Variants in FGGY observed in about 807,000 individuals in gnomAD.
The protein encoded by FGGY is FGGY carbohydrate kinase domain containing.
FGGY carries 72 observed loss-of-function variants against 71.3 expected under a neutral mutation model. The ratio of observed to expected loss-of-function variants is 1.01; its 90% CI spans 0.84 to 1.23. The LOEUF (loss-of-function observed/expected upper bound fraction) is 1.23. Ranked by LOEUF, FGGY falls within the 50% of genes most tolerant of loss-of-function variation. The pLI, the probability that FGGY is intolerant of heterozygous loss-of-function variation, is 0.00. For missense variants in FGGY, 668 were observed against 682.3 expected, an observed-to-expected ratio of 0.98 and a Z score of 0.23; for synonymous variants, 251 against 250.3, an observed-to-expected ratio of 1.00 and a Z score of -0.02.
chr1:59,441,704 A>G (rs924858863), intron 5 of FGGY, among the ~76,000 whole-genome samples: 1 of 152,212 alleles, frequency 6.6e-6, no homozygotes, highest in Admixed American at 6.5e-5. Flanking sequence ...TTCTTAACAG[A>G]TGAAGAAAAT....
chr1:59,385,482 C>A (rs887137100), intron 5 of FGGY, among the ~76,000 whole-genome samples: 1 of 152,098 alleles, frequency 6.6e-6, no homozygotes, highest in African/African-American at 2.4e-5. Flanking sequence ...GTGTCATTAC[C>A]GCTTTGCAAT....
At chr1:59,753,052 A>G (rs1450567804) in intron 14 of FGGY, among the ~76,000 whole-genome samples, 19 of 152,156 alleles carry the variant, frequency 1.2e-4, no homozygotes, top group African/African-American at 2.4e-5. Flanking sequence ...CACTGTATTA[A>G]TTGTGCTGTC....
chr1:59,699,499 A>C, intron 14 of FGGY: 1 of 739,424 alleles, frequency 1.4e-6, no homozygotes, highest in Non-Finnish European at 1.7e-6. Context: ...CTCTTTTGCC[A>C]TGGATAGAAA....
chr1:59,493,802 A>G (rs917260706), intron 6 of FGGY, among the ~76,000 whole-genome samples: 1 of 152,256 alleles, frequency 6.6e-6, no homozygotes, highest in Non-Finnish European at 1.5e-5. Context: ...GTTATCTTAC[A>G]TATATTTTAC....
intron 6 of FGGY, among the ~76,000 whole-genome samples, chr1:59,478,394 T>A (rs1449834378): frequency 6.6e-6 from 1 of 152,210 alleles, no homozygotes; most frequent in African/African-American, 2.4e-5. Flanking sequence ...CACCTCAATT[T>A]ATTTTGTTCC....
At chr1:59,586,636 A>G (rs1169993094) in intron 8 of FGGY, among the ~76,000 whole-genome samples, 4 of 152,182 alleles carry the variant, frequency 2.6e-5, no homozygotes, top group African/African-American at 9.7e-5. Flanking sequence ...GTGCACATGT[A>G]CCCTAAAACT....
chr1:59,603,599 C>T (rs990891208), intron 8 of FGGY, among the ~76,000 whole-genome samples: 1 of 152,220 alleles, frequency 6.6e-6, no homozygotes, highest in Non-Finnish European at 1.5e-5. Flanking sequence ...AACTGAGGCT[C>T]AGAAAGGCTA....
At chr1:59,744,098 G>T (rs2098173306) in intron 14 of FGGY, among the ~76,000 whole-genome samples, 1 of 152,238 alleles carries the variant, frequency 6.6e-6, no homozygotes, top group Non-Finnish European at 1.5e-5. Context: ...CTATTAGTTT[G>T]TGACTGGCAC....
intron 4 of FGGY, among the ~76,000 whole-genome samples, chr1:59,357,712 T>A (rs1027574149): frequency 2.6e-5 from 4 of 152,084 alleles, no homozygotes; most frequent in African/African-American, 9.7e-5. Flanking sequence ...CTGTTTTATA[T>A]CCCCAGAGCC....
At chr1:59,662,510 C>T (rs1275192960) in intron 12 of FGGY, among the ~76,000 whole-genome samples, 4 of 152,160 alleles carry the variant, frequency 2.6e-5, no homozygotes, top group South Asian at 4.2e-4. Context: ...ATTTGAACCC[C>T]CAGCATTCTA....
intron 12 of FGGY, among the ~76,000 whole-genome samples, chr1:59,663,889 G>C (rs1252566943): frequency 6.6e-6 from 1 of 152,108 alleles, no homozygotes; most frequent in African/African-American, 2.4e-5. Context: ...CTTATTTGTT[G>C]TCGGTCAACT....
chr1:59,637,916 A>G (rs1257556259), intron 10 of FGGY, among the ~76,000 whole-genome samples: 2 of 152,214 alleles, frequency 1.3e-5, no homozygotes, highest in Non-Finnish European at 2.9e-5. Context: ...GACAGGGATT[A>G]TGATATCTGT....
At chr1:59,349,463 C>T (rs1454605906) in intron 4 of FGGY, among the ~76,000 whole-genome samples, 1 of 152,140 alleles carries the variant, frequency 6.6e-6, no homozygotes, top group Non-Finnish European at 1.5e-5. Flanking sequence ...GCCTATATCC[C>T]AGGAGATCTA....
At chr1:59,522,320 A>G (rs2094856520) in intron 7 of FGGY, among the ~76,000 whole-genome samples, 1 of 152,250 alleles carries the variant, frequency 6.6e-6, no homozygotes, top group African/African-American at 2.4e-5. Context: ...ACGTTAGCCC[A>G]TACTTACACC....
At chr1:59,726,800 G>T (rs1169403190) in intron 14 of FGGY, among the ~76,000 whole-genome samples, 2 of 151,936 alleles carry the variant, frequency 1.3e-5, no homozygotes, top group South Asian at 2.1e-4. Flanking sequence ...ACCAGCTTTG[G>T]TTTCATTGAT....
chr1:59,748,399 T>A (rs1281941095), intron 14 of FGGY, among the ~76,000 whole-genome samples: 1 of 152,198 alleles, frequency 6.6e-6, no homozygotes, highest in Non-Finnish European at 1.5e-5. Flanking sequence ...TTCAATATTA[T>A]GTTTGAAGAG....
intron 12 of FGGY, among the ~76,000 whole-genome samples, chr1:59,662,309 G>T (rs1210505909): frequency 1.4e-5 from 2 of 139,354 alleles, no homozygotes; most frequent in Non-Finnish European, 3.0e-5. Flanking sequence ...CACAGAGCGA[G>T]ACTCCATCTC....
At chr1:59,552,305 A>G (rs986922037) in intron 7 of FGGY, among the ~76,000 whole-genome samples, 7 of 152,208 alleles carry the variant, frequency 4.6e-5, no homozygotes, top group Admixed American at 3.3e-4. Flanking sequence ...ATCTGAAAAC[A>G]CATAGGCCAA....
chr1:59,733,843 C>T (rs1184635753), intron 14 of FGGY, among the ~76,000 whole-genome samples: 2 of 152,244 alleles, frequency 1.3e-5, no homozygotes, highest in Non-Finnish European at 2.9e-5. Flanking sequence ...AGAGTTACTT[C>T]TAACAACTTT....
Sources: allele counts gnomAD v4.1 joint callset (sites outside exome capture counted in the v4.1 genomes callset), GRCh38; gene constraint gnomAD v4.1.1; transcripts MANE v1.5; gene names NCBI Gene and HGNC (gene_info 2026-07-23, HGNC 2026-07-21).